Variants in USP54 observed in about 807,000 individuals in gnomAD.
USP54 encodes the protein ubiquitin specific peptidase 54.
USP54 carries 87 observed loss-of-function variants against 170.5 expected under a neutral mutation model. The observed-to-expected ratio is 0.51, with a 90% CI of 0.43 to 0.61. The LOEUF (loss-of-function observed/expected upper bound fraction) is 0.61. USP54 is among the 20% of genes least tolerant of loss of function. The pLI, the probability that USP54 is intolerant of heterozygous loss-of-function variation, is 0.00. For missense variants in USP54, 1,786 were observed against 2,047.8 expected (o/e 0.87, Z 2.47); for synonymous variants, 655 against 742.8 (o/e 0.88, Z 1.92).
chr10:73,525,182 G>T (rs1315745006), intron 16 of USP54, among the ~76,000 whole-genome samples: 2 of 152,132 alleles, frequency 1.3e-5, no homozygotes, highest in Non-Finnish European at 2.9e-5. Context: ...CATAGAAAAA[G>T]ACAGAAAGAT....
intron 15 of USP54, 80 bp from the exon 16 acceptor site, chr10:73,526,860 A>G: frequency 2.1e-6 from 3 of 1,423,226 alleles, no homozygotes; most frequent in Non-Finnish European, 2.8e-6. Flanking sequence ...CTCTCTCTCA[A>G]AAAAAAAAAA....
Position 73,500,683 on chromosome 10 carries a change from G to C in USP54, c.4467C>G (p.Thr1489=). ...GGAGTCTATTGGGCTCCCCTGCCAT[G>C]GTGGGCATCAGGACATCTGGGGACA... ...QFLSPDVLMP[T]MAGEPNRLPG... The change falls in exon 23 of 24, where the codon ACC becomes ACG. Residue 1489 remains threonine (T), a synonymous_variant. Transcript: ENST00000687698. The C allele has an allele frequency of 6.2e-7, 1 of 1,604,372 alleles. No individual in the cohort carries two copies. Among genetic ancestry groups the C allele is most frequent in the South Asian group, 1.1e-5 (1 of 90,206 alleles).
At chr10:73,514,996 C>T (rs1436202698) in intron 20 of USP54, among the ~76,000 whole-genome samples, 3 of 151,388 alleles carry the variant, frequency 2.0e-5, no homozygotes, top group East Asian at 1.9e-4. Context: ...GCTGAGATCA[C>T]GCCATTGCAC....
chr10:73,558,931 A>AT (rs1402930473), intron 4 of USP54, among the ~76,000 whole-genome samples: 1 of 152,058 alleles, frequency 6.6e-6, no homozygotes, highest in Admixed American at 6.6e-5. Flanking sequence ...CTTTTTCTTA[A>AT]TTTTTTTGAT....
intron 17 of USP54, among the ~76,000 whole-genome samples, chr10:73,521,317 T>C (rs1308355583): frequency 6.6e-6 from 1 of 152,146 alleles, no homozygotes; most frequent in Non-Finnish European, 1.5e-5. Flanking sequence ...GTGCAATCGG[T>C]TAGCGCGCGG....
chr10:73,600,845 C>G (rs540184104), intron 1 of USP54, among the ~76,000 whole-genome samples: 1 of 152,072 alleles, frequency 6.6e-6, no homozygotes, highest in Non-Finnish European at 1.5e-5. Context: ...ACCCGGGGGG[C>G]GGAGGTTGCA....
upstream of USP54, among the ~76,000 whole-genome samples, chr10:73,592,600 T>C (rs192680654): frequency 6.6e-6 from 1 of 152,252 alleles, no homozygotes. Context: ...AAACACAAAA[T>C]TTCTACTGAT....
rs770516102 is a variant in USP54 at position 73,541,370 on chromosome 10, C to T, written c.825+5G>A. ...AAGTGAGAGATAAAGGTAACTAACACGCACATCACCCAGCTTAAGGCAGGT... is the reference window on the plus strand; with the variant it reads ...AAGTGAGAGATAAAGGTAACTAACATGCACATCACCCAGCTTAAGGCAGGT... On this transcript the variant is annotated splice_donor_5th_base_variant and intron_variant, in intron 9 of 23. Coordinates refer to ENST00000687698, the MANE Select transcript of USP54 (RefSeq NM_001391956.1). 6 of 1,613,912 alleles carry T rather than the reference C, an allele frequency of 3.7e-6. No individual in the cohort carries two copies. Among genetic ancestry groups the T allele is most frequent in the Admixed American group, 3.3e-5 (2 of 59,996 alleles).
At chr10:73,515,525 C>T (rs1003128061) in intron 20 of USP54, among the ~76,000 whole-genome samples, 1 of 152,120 alleles carries the variant, frequency 6.6e-6, no homozygotes, top group Non-Finnish European at 1.5e-5. Flanking sequence ...TCAGTGGCTA[C>T]CCTGTAGGCA....
chr10:73,601,855 T>G (rs1271772154), intron 1 of USP54, among the ~76,000 whole-genome samples: 1 of 152,236 alleles, frequency 6.6e-6, no homozygotes, highest in Non-Finnish European at 1.5e-5. Context: ...CAGCTGCTGC[T>G]GCTGCTACTA....
At chr10:73,531,629 C>A (rs1386750664) in intron 12 of USP54, among the ~76,000 whole-genome samples, 3 of 152,144 alleles carry the variant, frequency 2.0e-5, no homozygotes, top group Non-Finnish European at 2.9e-5. Flanking sequence ...GGCTTTAAGA[C>A]CCAGTTCCAA....
At chr10:73,505,482 C>T (rs1433024524) in intron 20 of USP54, 56 bp from the exon 21 acceptor site, 34 of 1,433,752 alleles carry the variant, frequency 2.4e-5, no homozygotes, top group Non-Finnish European at 3.0e-5. Flanking sequence ...AGGGCCTAAC[C>T]TCTAAGCCTA....
rs1056017558 is a variant in USP54, at chr10:73,526,593, C to T, written c.2194+54G>A. 5 of 1,605,500 alleles carry T rather than the reference C, an allele frequency of 3.1e-6. No homozygotes were observed. In the South Asian group the frequency reaches 5.6e-5, roughly 18 times the overall value. The stretch of plus-strand genomic sequence containing the variant: ...AATGTGCTCAGGTAAGTCTGGTCCC[C>T]AGACAAAACTGCCGGTCAAATCCAG... On this transcript the variant is annotated intron_variant, in intron 16 of 23. Coordinates refer to ENST00000687698, the MANE Select transcript of USP54 (RefSeq NM_001391956.1).
intron 1 of USP54, among the ~76,000 whole-genome samples, chr10:73,587,499 T>C (rs186297742): frequency 6.6e-6 from 1 of 152,114 alleles, no homozygotes; most frequent in East Asian, 1.9e-4. Flanking sequence ...GTGCACCCTC[T>C]GCAGGGCCAA....
In USP54 at chr10:73,516,599, T is replaced by C. The variant is rs140255528; in HGVS notation, c.3827A>G (p.His1276Arg). The C allele has an allele frequency of 6.0e-4, 967 of 1,614,220 alleles. 9 individuals carry two copies. The African/African-American group carries it at 0.011, about 18-fold the overall frequency. Reference protein sequence around the residue: ...ITRFCDSQLKHGAPRPGMKSS... With the variant: ...ITRFCDSQLKRGAPRPGMKSS... Reference sequence around the variant, plus strand: ...CTTCATTCCTGGCCTAGGTGCCCCATGCTTAAGCTGAGAATCACAGAACCT... The same window carrying C: ...CTTCATTCCTGGCCTAGGTGCCCCACGCTTAAGCTGAGAATCACAGAACCT... The change falls in exon 20 of 24, where the codon CAT becomes CGT. Residue 1276 changes from histidine to arginine, a missense_variant. Coordinates refer to ENST00000687698, the MANE Select transcript of USP54 (RefSeq NM_001391956.1).
intron 4 of USP54, among the ~76,000 whole-genome samples, chr10:73,561,490 A>G (rs2133712327): frequency 6.6e-6 from 1 of 152,212 alleles, no homozygotes; most frequent in East Asian, 1.9e-4. Flanking sequence ...TTAAAATTTA[A>G]ATAAAACTTC....
intron 1 of USP54, among the ~76,000 whole-genome samples, chr10:73,623,011 T>C (rs1036869261): frequency 6.6e-6 from 1 of 152,148 alleles, no homozygotes; most frequent in African/African-American, 2.4e-5. Context: ...TCCATTCTTT[T>C]ATCTCTTCTG....
At chr10:73,606,657 T>C (rs2079654743) in intron 1 of USP54, among the ~76,000 whole-genome samples, 1 of 151,946 alleles carries the variant, frequency 6.6e-6, no homozygotes, top group South Asian at 2.1e-4. Flanking sequence ...GGTGGGCAGA[T>C]CACAAGGTCA....
chr10:73,499,160 C>T lies in USP54; in HGVS notation c.4524G>A (p.Leu1508=). The T allele has an allele frequency of 6.2e-7, 1 of 1,612,238 alleles. No homozygotes were observed. Among genetic ancestry groups the T allele is most frequent in the Non-Finnish European group, 8.5e-7 (1 of 1,179,166 alleles). The part of the protein sequence containing the change: ...PGTSRSVQQF[L]AMCDRGETSQ... ...AAGTTTCACCCCTGTCACACATAGC[C>T]AGAAACTGCTGGACACTCCTTGAAG... Residue 1508 remains leucine (L), a synonymous_variant, in exon 24 of 24, where the codon CTG becomes CTA. Transcript: ENST00000687698.
Sources: gnomAD v4.1 joint callset for allele counts (sites outside exome capture counted in the v4.1 genomes callset) on GRCh38, gnomAD v4.1.1 for gene constraint, MANE v1.5 for transcripts, NCBI Gene and HGNC (gene_info 2026-07-23, HGNC 2026-07-21) for gene names.